The following PMP2 variants were observed in gnomAD, a reference collection of about 807,000 sequenced individuals.
PMP2 encodes peripheral myelin protein 2.
A neutral mutation model predicts 15.9 loss-of-function variants in PMP2; 11 were observed. The observed-to-expected ratio is 0.69, with a 90% confidence interval of 0.44 to 1.14. PMP2 has a LOEUF of 1.14. PMP2 is among the 50% of genes most tolerant of loss of function. PMP2 has a pLI of 0.00. For missense variants in PMP2, 151 were observed against 154.0 expected, an observed-to-expected ratio of 0.98 and a Z score of 0.10; for synonymous variants, 55 against 54.1, an observed-to-expected ratio of 1.02 and a Z score of -0.07.
chr8:81,444,783 T>C lies in PMP2; in HGVS notation c.246+34A>G, dbSNP rs149667876. 106 of 1,603,840 alleles carry C rather than the reference T, an allele frequency of 6.6e-5. No homozygotes were observed. In the African/African-American group the frequency reaches 1.4e-3, roughly 21 times the overall value. The stretch of plus-strand genomic sequence containing the variant: ...TATTCCTCTCTCTCAAGCAGCCCAC[T>C]GGGCCAACTTTGAAGAGAAACATTA... On this transcript the variant is annotated intron_variant, in intron 2 of 3. Coordinates refer to ENST00000256103, the MANE Select transcript of PMP2 (RefSeq NM_002677.5).
Position 81,443,127 on chromosome 8 carries a change from A to G in PMP2, c.*271T>C. 1 of 308,460 alleles carries G rather than the reference A, an allele frequency of 3.2e-6. No homozygotes were observed. Among genetic ancestry groups the G allele is most frequent in the Middle Eastern group, 9.3e-4 (1 of 1,072 alleles). The allele number at this position is 308,460 out of a possible 1,614,324, so 19.1% of individuals were successfully genotyped here. On this transcript the variant is annotated 3_prime_UTR_variant, in exon 4 of 4. Coordinates refer to ENST00000256103, the MANE Select transcript of PMP2 (RefSeq NM_002677.5). ...ATTTCAAGTATACAAAGTTCAACAT[A>G]GATTAGAATTTTGTAGTTAATTGAA...
chr8:81,440,830 T>C lies in PMP2; in HGVS notation c.*2568A>G, dbSNP rs748683860. 6.6e-6 allele frequency: 1 copy of C among 152,222 alleles called. No individual in the cohort carries two copies. Among genetic ancestry groups the C allele is most frequent in the Non-Finnish European group, 1.5e-5 (1 of 68,018 alleles). The allele number at this position is 152,222 out of a possible 1,614,324, so 9.4% of individuals were successfully genotyped here. A position where few individuals can be genotyped will look rare whatever the true frequency, so the allele number is the denominator to read the frequency against. Reference sequence around the variant, plus strand: ...CTGAATTTTTTGAGAGTAGATTGCATACATTATGGCCCTTTACCTCAAAAT... The same window carrying C: ...CTGAATTTTTTGAGAGTAGATTGCACACATTATGGCCCTTTACCTCAAAAT... On this transcript the variant is annotated 3_prime_UTR_variant, in exon 4 of 4. Transcript: ENST00000256103.
chr8:81,446,273 C>T (rs1016390411), intron 1 of PMP2, among the ~76,000 whole-genome samples: 2 of 152,146 alleles, frequency 1.3e-5, no homozygotes, highest in African/African-American at 2.4e-5. Flanking sequence ...TGTTATTTTG[C>T]ATGCTAAACT....
In PMP2 at chr8:81,442,388, G is replaced by A. The variant is rs1412219476; in HGVS notation, c.*1010C>T. The A allele has an allele frequency of 6.6e-6, 1 of 152,370 alleles. No homozygotes were observed. Among genetic ancestry groups the A allele is most frequent in the Non-Finnish European group, 1.5e-5 (1 of 67,914 alleles). The allele number at this position is 152,370 out of a possible 1,614,324, so 9.4% of individuals were successfully genotyped here. A position where few individuals can be genotyped will look rare whatever the true frequency, so the allele number is the denominator to read the frequency against. ...GACTAGTTATTTATTTAAAATAAAG[G>A]GACTCCTATGTTTACAAAAAGTCTT... On this transcript the variant is annotated 3_prime_UTR_variant, in exon 4 of 4. Coordinates refer to ENST00000256103, the MANE Select transcript of PMP2 (RefSeq NM_002677.5).
rs1383752588 is a variant in PMP2 at position 81,440,782 on chromosome 8, C to T, written c.*2616G>A. The T allele has an allele frequency of 6.6e-6, 1 of 152,134 alleles. No homozygotes were observed. Among genetic ancestry groups the T allele is most frequent in the Non-Finnish European group, 1.5e-5 (1 of 68,004 alleles). The allele number at this position is 152,134 out of a possible 1,614,324, so 9.4% of individuals were successfully genotyped here. A position where few individuals can be genotyped will look rare whatever the true frequency, so the allele number is the denominator to read the frequency against. The stretch of plus-strand genomic sequence containing the variant: ...ATGTTTGTGTGTACTGTTGCACATG[C>T]AAATGCACACAAATATATGTTTCTG... On this transcript the variant is annotated 3_prime_UTR_variant, in exon 4 of 4. Coordinates refer to ENST00000256103, the MANE Select transcript of PMP2 (RefSeq NM_002677.5).
chr8:81,446,552 G>T (rs1807452947), intron 1 of PMP2, among the ~76,000 whole-genome samples: 1 of 152,174 alleles, frequency 6.6e-6, no homozygotes, highest in Non-Finnish European at 1.5e-5. Flanking sequence ...ACTCTTTATT[G>T]TATTTATATA....
At chr8:81,444,795 G>A (rs775931393) in intron 2 of PMP2, 22 bp downstream of exon 2, 9 of 1,609,424 alleles carry the variant, frequency 5.6e-6, no homozygotes, top group Middle Eastern at 3.3e-4. Context: ...GGCCAACTTT[G>A]AAGAGAAACA....
At chr8:81,444,648 C>G in intron 2 of PMP2, 47 bp from the exon 3 acceptor site, 1 of 1,529,932 alleles carries the variant, frequency 6.5e-7, no homozygotes, top group African/African-American at 1.4e-5. Flanking sequence ...ATTTGTTGAT[C>G]AAAGAAGCAG....
chr8:81,446,490 A>G (rs1807452052), intron 1 of PMP2, among the ~76,000 whole-genome samples: 1 of 152,264 alleles, frequency 6.6e-6, no homozygotes, highest in Non-Finnish European at 1.5e-5. Flanking sequence ...TGAACAGTTA[A>G]GTAAAGCTGT....
In PMP2 at chr8:81,444,800, G is replaced by T. The variant is rs377086708; in HGVS notation, c.246+17C>A. On this transcript the variant is annotated intron_variant, in intron 2 of 3. Coordinates refer to ENST00000256103, the MANE Select transcript of PMP2 (RefSeq NM_002677.5). The stretch of plus-strand genomic sequence containing the variant: ...CAGCCCACTGGGCCAACTTTGAAGA[G>T]AAACATTAAAGATTACCTTGGTCTT... 343 of 1,610,436 alleles carry T rather than the reference G, an allele frequency of 2.1e-4. No homozygotes were observed. Among genetic ancestry groups the T allele is most frequent in the Non-Finnish European group, 2.8e-4 (329 of 1,178,724 alleles).
chr8:81,444,708 G>T (rs1020441266), intron 2 of PMP2, 107 bp from the exon 3 acceptor site: 14 of 1,327,910 alleles, frequency 1.1e-5, no homozygotes, highest in Non-Finnish European at 1.4e-5. Context: ...GTCTCAGGAG[G>T]TACACTCCTT....
In PMP2 at chr8:81,444,581, T is replaced by A. The variant is rs375942205; in HGVS notation, c.267A>T (p.Arg89Ser). The A allele has an allele frequency of 6.2e-7, 1 of 1,613,894 alleles. No individual in the cohort carries two copies. The highest frequency in any genetic ancestry group is 1.3e-5 in the African/African-American group (1 of 75,064). Reference sequence around the variant, plus strand: ...ATCTCTGCACTTGATTCAGTGATCCTCTCTGCAGGGTTACGATGCTCTGCA... The same window carrying A: ...ATCTCTGCACTTGATTCAGTGATCCACTCTGCAGGGTTACGATGCTCTGCA... The part of the protein sequence containing the change: ...RKTKSIVTLQ[R>S]GSLNQVQRWD... The change falls in exon 3 of 4, where the codon AGA becomes AGT. Residue 89 changes from arginine to serine, a missense_variant. Transcript: ENST00000256103.
In PMP2 at chr8:81,440,531, A is replaced by G. The variant is rs1362501288; in HGVS notation, c.*2867T>C. 6.6e-6 allele frequency: 1 copy of G among 152,234 alleles called. No individual in the cohort carries two copies. Among genetic ancestry groups the G allele is most frequent in the Non-Finnish European group, 1.5e-5 (1 of 68,040 alleles). 9.4% of individuals were successfully genotyped at this position (152,234 alleles called of 1,614,324 possible). ...CATTTCTAGGCTGAAAAAGAGAAGAAGTTGCCAAGTGCGGGGTTTTTTTTC... is the reference window on the plus strand; with the variant it reads ...CATTTCTAGGCTGAAAAAGAGAAGAGGTTGCCAAGTGCGGGGTTTTTTTTC... On this transcript the variant is annotated 3_prime_UTR_variant, in exon 4 of 4. Transcript: ENST00000256103.
intron 2 of PMP2, 39 bp from the exon 3 acceptor site, chr8:81,444,640 T>C (rs112362119): frequency 9.6e-6 from 15 of 1,557,070 alleles, no homozygotes; most frequent in African/African-American, 6.8e-5. Flanking sequence ...TGCCTGAAAT[T>C]TGTTGATCAA....
Position 81,444,583 on chromosome 8 carries a change from T to C in PMP2, c.265A>G (p.Arg89Gly). The change falls in exon 3 of 4, where the codon AGA becomes GGA. Residue 89 changes from arginine (R) to glycine (G), a missense_variant. Transcript: ENST00000256103. ...RKTKSIVTLQ[R>G]GSLNQVQRWD... Reference sequence around the variant, plus strand: ...CTCTGCACTTGATTCAGTGATCCTCTCTGCAGGGTTACGATGCTCTGCAAA... The same window carrying C: ...CTCTGCACTTGATTCAGTGATCCTCCCTGCAGGGTTACGATGCTCTGCAAA... The C allele has an allele frequency of 6.2e-7, 1 of 1,613,828 alleles. No homozygotes were observed. Among genetic ancestry groups the C allele is most frequent in the Non-Finnish European group, 8.5e-7 (1 of 1,179,780 alleles).
At chr8:81,446,975 A>G (rs1194481569) in intron 1 of PMP2, among the ~76,000 whole-genome samples, 1 of 152,230 alleles carries the variant, frequency 6.6e-6, no homozygotes, top group African/African-American at 2.4e-5. Flanking sequence ...CTATGAACGT[A>G]GCTCTCAGAA....
chr8:81,445,483 A>G (rs1038265697), intron 1 of PMP2, among the ~76,000 whole-genome samples: 8 of 152,136 alleles, frequency 5.3e-5, no homozygotes, highest in Admixed American at 3.3e-4. Context: ...TCGGCCTTCC[A>G]AAGTGCTGGG....
In PMP2 at chr8:81,442,556, G is replaced by A. The variant is rs1160672173; in HGVS notation, c.*842C>T. 1 of 152,462 alleles carries A rather than the reference G, an allele frequency of 6.6e-6. No homozygotes were observed. Among genetic ancestry groups the A allele is most frequent in the Non-Finnish European group, 1.5e-5 (1 of 67,966 alleles). 9.4% of individuals were successfully genotyped at this position (152,462 alleles called of 1,614,324 possible). ...TAATAAAAAGAAACAAACTACAGCT[G>A]CATGCAACAATGTGGATGTATCACA... On this transcript the variant is annotated 3_prime_UTR_variant, in exon 4 of 4. Coordinates refer to ENST00000256103, the MANE Select transcript of PMP2 (RefSeq NM_002677.5).
At position 81,444,587 on chromosome 8, in the gene PMP2, C is replaced by T. The variant is rs1234136801; in HGVS notation, c.261G>A (p.Leu87=). The T allele has an allele frequency of 3.7e-6, 6 of 1,613,602 alleles. No homozygotes were observed. The highest frequency in any genetic ancestry group is 2.2e-5 in the East Asian group (1 of 44,878). ...GCACTTGATTCAGTGATCCTCTCTG[C>T]AGGGTTACGATGCTCTGCAAAGACA... ...DNRKTKSIVT[L]QRGSLNQVQR... The change falls in exon 3 of 4, where the codon CTG becomes CTA. Residue 87 remains leucine (L), a synonymous_variant. Coordinates refer to ENST00000256103, the MANE Select transcript of PMP2 (RefSeq NM_002677.5).
Sources: allele counts gnomAD v4.1 joint callset (sites outside exome capture counted in the v4.1 genomes callset), GRCh38; gene constraint gnomAD v4.1.1; transcripts MANE v1.5; gene names NCBI Gene and HGNC (gene_info 2026-07-23, HGNC 2026-07-21).